Variants in CNTNAP2 observed in about 807,000 individuals in gnomAD.
CNTNAP2 encodes contactin associated protein 2, also known as contactin-associated protein-like 2.
CNTNAP2 carries 98 observed loss-of-function variants against 155.2 expected under a neutral mutation model. That is an observed-to-expected ratio of 0.63 (90% CI 0.54 to 0.75). The LOEUF is 0.75. Ranked by LOEUF, CNTNAP2 falls within the 30% of genes least tolerant of loss-of-function variation. The pLI is 0.00. For synonymous variants in CNTNAP2, 651 were observed against 631.2 expected, an observed-to-expected ratio of 1.03 and a Z score of -0.47; for missense variants, 1,727 against 1,688.1, an observed-to-expected ratio of 1.02 and a Z score of -0.40.
chr7:146,996,303 T>C (rs1361837463), intron 3 of CNTNAP2, among the ~76,000 whole-genome samples: 1 of 152,134 alleles, frequency 6.6e-6, no homozygotes, highest in African/African-American at 2.4e-5. Context: ...TAGATGACTT[T>C]AAGTAGTATA....
chr7:148,151,975 G>C (rs1036762295), intron 17 of CNTNAP2, among the ~76,000 whole-genome samples: 13 of 152,102 alleles, frequency 8.5e-5, no homozygotes, highest in Admixed American at 4.6e-4. Flanking sequence ...AATGGCCCAA[G>C]AGCTCCACCT....
intron 1 of CNTNAP2, among the ~76,000 whole-genome samples, chr7:146,666,927 C>T (rs1272120571): frequency 6.6e-6 from 1 of 152,058 alleles, no homozygotes; most frequent in East Asian, 1.9e-4. Context: ...TTATCTCATT[C>T]TGTAGGTTGT....
chr7:146,350,035 G>A (rs1253866158), intron 1 of CNTNAP2, among the ~76,000 whole-genome samples: 1 of 152,154 alleles, frequency 6.6e-6, no homozygotes, highest in Non-Finnish European at 1.5e-5. Flanking sequence ...GATTGGGGAA[G>A]TTCTTCTGGA....
At chr7:147,154,197 G>A (rs1406108751) in intron 8 of CNTNAP2, among the ~76,000 whole-genome samples, 2 of 151,980 alleles carry the variant, frequency 1.3e-5, no homozygotes, top group Non-Finnish European at 2.9e-5. Context: ...CATTGGTAAA[G>A]GTGAAACCTG....
chr7:147,313,594 A>C (rs1266459340), intron 9 of CNTNAP2, among the ~76,000 whole-genome samples: 2 of 149,980 alleles, frequency 1.3e-5, no homozygotes, highest in African/African-American at 5.0e-5. Context: ...GTTATTTCTG[A>C]GGGCTCTGTT....
At chr7:146,907,638 C>A (rs955024694) in intron 3 of CNTNAP2, among the ~76,000 whole-genome samples, 6 of 150,312 alleles carry the variant, frequency 4.0e-5, no homozygotes, top group Admixed American at 6.7e-5. Context: ...CCTAAAAGAG[C>A]TCCTGAAGGA....
intron 1 of CNTNAP2, among the ~76,000 whole-genome samples, chr7:146,712,495 T>G (rs1463400491): frequency 6.6e-6 from 1 of 150,578 alleles, no homozygotes; most frequent in East Asian, 2.0e-4. Context: ...TAGAAAGTTT[T>G]TTTTTTTCCC....
intron 1 of CNTNAP2, among the ~76,000 whole-genome samples, chr7:146,442,578 C>G (rs754409052): frequency 1.3e-5 from 2 of 152,150 alleles, no homozygotes; most frequent in Non-Finnish European, 2.9e-5. Flanking sequence ...ATTGGTACCT[C>G]TTGAAAGAGC....
At chr7:148,404,073 T>C (rs1799647077) in intron 22 of CNTNAP2, among the ~76,000 whole-genome samples, 1 of 152,246 alleles carries the variant, frequency 6.6e-6, no homozygotes, top group African/African-American at 2.4e-5. Context: ...AGACTAGGCA[T>C]CTGACTTTCA....
At chr7:146,146,366 T>C (rs1282555526) in intron 1 of CNTNAP2, among the ~76,000 whole-genome samples, 3 of 152,104 alleles carry the variant, frequency 2.0e-5, no homozygotes, top group Admixed American at 6.6e-5. Context: ...TCCCCAGCCA[T>C]AGGAAGTTCG....
intron 21 of CNTNAP2, among the ~76,000 whole-genome samples, chr7:148,309,572 A>T (rs1276102012): frequency 6.6e-6 from 1 of 152,050 alleles, no homozygotes; most frequent in African/African-American, 2.4e-5. Flanking sequence ...GTAAAGGAAA[A>T]TTACAGTCAA....
At chr7:147,450,924 A>G (rs1211378188) in intron 10 of CNTNAP2, among the ~76,000 whole-genome samples, 1 of 152,222 alleles carries the variant, frequency 6.6e-6, no homozygotes, top group African/African-American at 2.4e-5. Context: ...ATCACTTGGC[A>G]TCAGTAGATC....
At chr7:148,153,745 G>A (rs903641423) in intron 17 of CNTNAP2, among the ~76,000 whole-genome samples, 1 of 152,236 alleles carries the variant, frequency 6.6e-6, no homozygotes, top group South Asian at 2.1e-4. Context: ...GCAGGAGTGG[G>A]AGAAGGCAAG....
intron 21 of CNTNAP2, among the ~76,000 whole-genome samples, chr7:148,268,653 TTAA>T (rs3057302): frequency 0.97 from 144,922 of 149,330 alleles, 70,385 homozygotes; most frequent in South Asian, 1. Flanking sequence ...AGACTCTGTC[TTAA>T]TAATAATAAT....
intron 8 of CNTNAP2, among the ~76,000 whole-genome samples, chr7:147,268,585 A>G (rs948611394): frequency 6.6e-6 from 1 of 152,138 alleles, no homozygotes; most frequent in African/African-American, 2.4e-5. Flanking sequence ...GCTGCAGCAA[A>G]CCACCATGGC....
chr7:146,264,192 C>A (rs1329024461), intron 1 of CNTNAP2, among the ~76,000 whole-genome samples: 1 of 152,052 alleles, frequency 6.6e-6, no homozygotes, highest in Non-Finnish European at 1.5e-5. Context: ...GCCTGTAATC[C>A]CAGCACTTTG....
At chr7:147,998,890 A>G (rs528173436) in intron 15 of CNTNAP2, among the ~76,000 whole-genome samples, 1 of 152,274 alleles carries the variant, frequency 6.6e-6, no homozygotes, top group African/African-American at 2.4e-5. Context: ...TAAAACCTTT[A>G]ATCTTTAATT....
intron 1 of CNTNAP2, among the ~76,000 whole-genome samples, chr7:146,650,569 A>G (rs1311643507): frequency 2.6e-5 from 4 of 152,232 alleles, no homozygotes; most frequent in South Asian, 2.1e-4. Flanking sequence ...GAGGAATAGC[A>G]TTAGGAGAAA....
At chr7:147,470,980 C>G (rs1458133544) in intron 10 of CNTNAP2, among the ~76,000 whole-genome samples, 1 of 152,038 alleles carries the variant, frequency 6.6e-6, no homozygotes, top group African/African-American at 2.4e-5. Flanking sequence ...TGAGAAGGAG[C>G]AGCCAGTAAA....
Sources: allele counts gnomAD v4.1 joint callset (sites outside exome capture counted in the v4.1 genomes callset), GRCh38; gene constraint gnomAD v4.1.1; transcripts MANE v1.5; gene names NCBI Gene and HGNC (gene_info 2026-07-23, HGNC 2026-07-21).